Variants in KIAA1958 observed in about 807,000 individuals in gnomAD.
KIAA1958 encodes the protein KIAA1958, also known as uncharacterized protein KIAA1958.
Under a neutral mutation model 47.2 loss-of-function variants are expected in KIAA1958, and 14 were observed. That is an observed-to-expected ratio of 0.30 (90% CI 0.20 to 0.46). The LOEUF is 0.46. KIAA1958 is among the 20% of genes least tolerant of loss of function. KIAA1958 has a pLI of 1.00. For synonymous variants in KIAA1958, 354 were observed against 353.3 expected, an observed-to-expected ratio of 1.00 and a Z score of -0.02; for missense variants, 803 against 909.2, an observed-to-expected ratio of 0.88 and a Z score of 1.50.
At chr9:112,591,904 C>T (rs1835929866) in intron 2 of KIAA1958, among the ~76,000 whole-genome samples, 1 of 152,090 alleles carries the variant, frequency 6.6e-6, no homozygotes, top group Admixed American at 6.5e-5. Context: ...AGAAGGGTGC[C>T]CCCTTACAGA....
chr9:112,576,437 A>G (rs1280035996), intron 2 of KIAA1958, among the ~76,000 whole-genome samples: 1 of 152,186 alleles, frequency 6.6e-6, no homozygotes, highest in Non-Finnish European at 1.5e-5. Context: ...GAGTTGTACA[A>G]CTATCGCTAT....
At position 112,611,866 on chromosome 9, in the gene KIAA1958, T is replaced by G. The variant is rs969976276; in HGVS notation, c.1172-33784T>G. Reference sequence around the variant, plus strand: ...TATTATACCTAATTTTAAATAGTAGTATACTTTGCCCTAATAAGGATACTA... The same window carrying G: ...TATTATACCTAATTTTAAATAGTAGGATACTTTGCCCTAATAAGGATACTA... On this transcript the variant is annotated intron_variant, in intron 2 of 3. Coordinates refer to ENST00000337530, the MANE Select transcript of KIAA1958 (RefSeq NM_133465.4). 2.0e-5 allele frequency among the ~76,000 whole-genome samples: 3 copies of G among 152,032 alleles called. No homozygotes were observed. In the East Asian group the frequency reaches 5.8e-4, roughly 29 times the overall value.
chr9:112,619,007 A>G (rs1470550637), intron 2 of KIAA1958: 4 of 1,372,140 alleles, frequency 2.9e-6, no homozygotes, highest in African/African-American at 2.9e-5. Context: ...CTGTGCCCTC[A>G]GTGTTAATTC....
Position 112,657,055 on chromosome 9 carries a change from T to C in KIAA1958, c.1345-2208T>C, listed in dbSNP as rs114299120. 3.4e-3 allele frequency among the ~76,000 whole-genome samples: 513 copies of C among 152,236 alleles called. 3 individuals are homozygous for C. Among genetic ancestry groups the C allele is most frequent in the African/African-American group, 0.012 (490 of 41,548 alleles). ...GATTACATTTTTATCTATCCCAATT[T>C]ATTTCTTTTCTAGTCCATTAATTTT... On this transcript the variant is annotated intron_variant, in intron 3 of 3. Coordinates refer to ENST00000337530, the MANE Select transcript of KIAA1958 (RefSeq NM_133465.4).
chr9:112,551,093 A>AT (rs1439451203), intron 1 of KIAA1958, among the ~76,000 whole-genome samples: 5 of 144,520 alleles, frequency 3.5e-5, no homozygotes, highest in African/African-American at 7.7e-5. Context: ...CTGTTTTACT[A>AT]TGAGTTTTTA....
At chr9:112,551,094 T>A (rs1464565803) in intron 1 of KIAA1958, among the ~76,000 whole-genome samples, 1 of 151,864 alleles carries the variant, frequency 6.6e-6, no homozygotes, top group Non-Finnish European at 1.5e-5. Context: ...TGTTTTACTA[T>A]GAGTTTTTAA....
intron 3 of KIAA1958, among the ~76,000 whole-genome samples, chr9:112,649,195 C>T (rs1452358982): frequency 6.6e-6 from 1 of 152,102 alleles, no homozygotes; most frequent in Non-Finnish European, 1.5e-5. Flanking sequence ...GAACCTTGCC[C>T]TGTCACCCAG....
intron 1 of KIAA1958, among the ~76,000 whole-genome samples, chr9:112,539,669 A>T (rs1387951315): frequency 6.6e-6 from 1 of 151,614 alleles, no homozygotes; most frequent in Non-Finnish European, 1.5e-5. Context: ...TGTACTTAAA[A>T]GTATATATAT....
intron 2 of KIAA1958, among the ~76,000 whole-genome samples, chr9:112,635,849 T>G (rs1200793576): frequency 2.0e-5 from 3 of 151,872 alleles, no homozygotes; most frequent in Non-Finnish European, 4.4e-5. Context: ...TCTTTCCCAT[T>G]TTATTGATTT....
intron 2 of KIAA1958, among the ~76,000 whole-genome samples, chr9:112,644,856 C>G (rs959054876): frequency 6.6e-6 from 1 of 152,146 alleles, no homozygotes; most frequent in African/African-American, 2.4e-5. Flanking sequence ...TAACACAGAG[C>G]TGGCTGCAGT....
intron 3 of KIAA1958, among the ~76,000 whole-genome samples, chr9:112,647,011 G>A (rs1370691017): frequency 1.3e-5 from 2 of 152,186 alleles, no homozygotes; most frequent in Non-Finnish European, 2.9e-5. Flanking sequence ...TGAAGCCCAA[G>A]GGCAAGTGAG....
At chr9:112,651,154 T>A (rs552254989) in intron 3 of KIAA1958, among the ~76,000 whole-genome samples, 1 of 152,168 alleles carries the variant, frequency 6.6e-6, no homozygotes, top group East Asian at 1.9e-4. Context: ...GACTTAACGC[T>A]GTCAAACTGA....
chr9:112,531,231 A>G (rs1283727427), intron 1 of KIAA1958, among the ~76,000 whole-genome samples: 9 of 152,298 alleles, frequency 5.9e-5, no homozygotes, highest in Non-Finnish European at 1.3e-4. Context: ...TCTACTAAAA[A>G]TACAAAATTA....
intron 1 of KIAA1958, among the ~76,000 whole-genome samples, chr9:112,542,556 G>C (rs1286814560): frequency 6.6e-6 from 1 of 152,228 alleles, no homozygotes; most frequent in African/African-American, 2.4e-5. Flanking sequence ...ATGAAGCAGA[G>C]TGTAAATCAT....
chr9:112,553,977 GA>G (rs1308699593), intron 1 of KIAA1958, among the ~76,000 whole-genome samples: 1 of 151,994 alleles, frequency 6.6e-6, no homozygotes, highest in African/African-American at 2.4e-5. Flanking sequence ...AGCAAAGATT[GA>G]AAAAAATAAT....
chr9:112,664,861 A>G lies in KIAA1958; in HGVS notation c.*4792A>G, dbSNP rs1378658374. On this transcript the variant is annotated 3_prime_UTR_variant, in exon 4 of 4. Coordinates refer to ENST00000337530, the MANE Select transcript of KIAA1958 (RefSeq NM_133465.4). ...CTCCGTCTGATATGTGTATTCTGAC[A>G]TAACAGAATTTCCCAAGACTTCTTT... 2 of 152,214 alleles carry G rather than the reference A, an allele frequency of 1.3e-5. No individual in the cohort carries two copies. The highest frequency in any genetic ancestry group is 2.4e-5 in the African/African-American group (1 of 41,450). 9.4% of individuals were successfully genotyped at this position (152,214 alleles called of 1,614,324 possible).
At chr9:112,553,199 A>G (rs930786350) in intron 1 of KIAA1958, among the ~76,000 whole-genome samples, 1 of 119,260 alleles carries the variant, frequency 8.4e-6, no homozygotes, top group Non-Finnish European at 1.6e-5. Context: ...TTCTTTTCCT[A>G]CTTTTAGACA....
In KIAA1958 at chr9:112,642,769, C is replaced by A. The variant is rs369756849; in HGVS notation, c.1172-2881C>A. On this transcript the variant is annotated intron_variant, in intron 2 of 3. Coordinates refer to ENST00000337530, the MANE Select transcript of KIAA1958 (RefSeq NM_133465.4). ...AGTCTTTTAAAAATATCCTCAGCAG[C>A]ATAACACAACTCCTACCTCCAAAAT... Among the ~76,000 whole-genome samples the A allele has an allele frequency of 4.6e-5, 7 of 152,344 alleles. 2 individuals are homozygous for A. The highest frequency in any genetic ancestry group is 1.7e-4 in the African/African-American group (7 of 41,582).
intron 1 of KIAA1958, among the ~76,000 whole-genome samples, chr9:112,562,903 C>T (rs538156946): frequency 3.3e-5 from 5 of 149,838 alleles, no homozygotes; most frequent in African/African-American, 9.8e-5. Context: ...TGGGCTCAGG[C>T]GGTCCTCCCA....
Sources: allele counts gnomAD v4.1 joint callset (sites outside exome capture counted in the v4.1 genomes callset), GRCh38; gene constraint gnomAD v4.1.1; transcripts MANE v1.5; gene names NCBI Gene and HGNC (gene_info 2026-07-23, HGNC 2026-07-21).